FBN2: variants seen among roughly 807,000 people sequenced by gnomAD.
The protein encoded by FBN2 is fibrillin 2, also known as fibrillin-2.
Under a neutral mutation model 355.6 loss-of-function variants are expected in FBN2, and 105 were observed. The ratio of observed to expected loss-of-function variants is 0.30; its 90% CI spans 0.25 to 0.35. The LOEUF (loss-of-function observed/expected upper bound fraction) is 0.35, where lower values mean the gene tolerates loss of function less well. FBN2 is among the 10% of genes least tolerant of loss of function. FBN2 has a pLI of 1.00. For synonymous variants in FBN2, 1,350 were observed against 1,301.2 expected (o/e 1.04, Z -0.81); for missense variants, 3,280 against 3,758.7 (o/e 0.87, Z 3.33).
chr5:128,403,531 A>G (rs1752852563), intron 8 of FBN2, among the ~76,000 whole-genome samples: 1 of 152,190 alleles, frequency 6.6e-6, no homozygotes, highest in East Asian at 1.9e-4. Context: ...CCAACGCGTT[A>G]TTTATTGCTG....
intron 53 of FBN2, among the ~76,000 whole-genome samples, chr5:128,287,775 A>T (rs950726870): frequency 2.0e-5 from 3 of 152,160 alleles, no homozygotes; most frequent in African/African-American, 7.2e-5. Context: ...CTAACTCTCC[A>T]GAAGAAACTT....
At chr5:128,343,491 G>A (rs1428011060) in intron 25 of FBN2, among the ~76,000 whole-genome samples, 1 of 152,196 alleles carries the variant, frequency 6.6e-6, no homozygotes, top group Non-Finnish European at 1.5e-5. Flanking sequence ...AGAAGGAGCA[G>A]GCAGGAGGGA....
At chr5:128,452,015 G>A (rs968447324) in intron 6 of FBN2, among the ~76,000 whole-genome samples, 12 of 152,006 alleles carry the variant, frequency 7.9e-5, no homozygotes, top group African/African-American at 2.9e-4. Context: ...CAGTTATGTA[G>A]AATTAATTTC....
Position 128,311,167 on chromosome 5 carries a change from GA to G in FBN2, c.5074+132del, listed in dbSNP as rs3215046. Reference sequence around the variant, plus strand: ...TCATACAACTTAGCTACATTGATATGAAAAAAAAAAAAGCTATGAACCAATC... The same window carrying G: ...TCATACAACTTAGCTACATTGATATGAAAAAAAAAAAGCTATGAACCAATC... On this transcript the variant is annotated intron_variant, in intron 39 of 64. Transcript: ENST00000262464. The G allele has an allele frequency of 0.28, 180,916 of 657,120 alleles. 6,923 individuals carry two copies. The highest frequency in any genetic ancestry group is 0.33 in the South Asian group (15,006 of 46,008). 40.7% of individuals were successfully genotyped at this position (657,120 alleles called of 1,614,324 possible).
chr5:128,354,741 T>C (rs1178373618), intron 20 of FBN2, among the ~76,000 whole-genome samples: 2 of 152,208 alleles, frequency 1.3e-5, no homozygotes, highest in African/African-American at 4.8e-5. Flanking sequence ...GGGTGGCAGC[T>C]AGAAGAATGA....
At chr5:128,398,920 AC>A (rs1752721217) in intron 8 of FBN2, among the ~76,000 whole-genome samples, 1 of 152,076 alleles carries the variant, frequency 6.6e-6, no homozygotes, top group Admixed American at 6.6e-5. Flanking sequence ...CGTGCCTTTC[AC>A]CTTGCACCAT....
At chr5:128,510,438 A>G (rs1462710275) in intron 5 of FBN2, among the ~76,000 whole-genome samples, 4 of 152,154 alleles carry the variant, frequency 2.6e-5, no homozygotes, top group Non-Finnish European at 5.9e-5. Context: ...AAAGGTTCAC[A>G]CTGTTGTTTC....
At chr5:128,456,466 G>A (rs1754397891) in intron 6 of FBN2, among the ~76,000 whole-genome samples, 1 of 152,078 alleles carries the variant, frequency 6.6e-6, no homozygotes, top group Non-Finnish European at 1.5e-5. Flanking sequence ...AACGGATCCT[G>A]CTCCCAGTGC....
intron 61 of FBN2, among the ~76,000 whole-genome samples, chr5:128,273,151 T>C (rs1296604537): frequency 6.6e-6 from 1 of 152,234 alleles, no homozygotes; most frequent in Non-Finnish European, 1.5e-5. Flanking sequence ...TATAGTCTCA[T>C]AATCTCTGGC....
intron 6 of FBN2, among the ~76,000 whole-genome samples, chr5:128,452,380 A>T (rs1227442079): frequency 2.0e-5 from 3 of 152,242 alleles, no homozygotes; most frequent in Non-Finnish European, 4.4e-5. Context: ...TTATGCAATA[A>T]CGTCAGTCCA....
At chr5:128,511,742 T>G (rs1163251867) in intron 5 of FBN2, among the ~76,000 whole-genome samples, 2 of 152,056 alleles carry the variant, frequency 1.3e-5, no homozygotes, top group Non-Finnish European at 2.9e-5. Flanking sequence ...AAGATGGGGG[T>G]AGGAAGGTAG....
In FBN2 at chr5:128,351,014, G is replaced by T; in HGVS notation, c.2675-9C>A. On this transcript the variant is annotated splice_polypyrimidine_tract_variant and intron_variant, in intron 20 of 64. Transcript: ENST00000262464. ...GGTCCCCTTCAGGCTGTCTGAAAAGGAACAGGAAAGGTTGGGGAGCTCTTA... is the reference window on the plus strand; with the variant it reads ...GGTCCCCTTCAGGCTGTCTGAAAAGTAACAGGAAAGGTTGGGGAGCTCTTA... The T allele has an allele frequency of 6.2e-7, 1 of 1,614,148 alleles. No homozygotes were observed. The highest frequency in any genetic ancestry group is 2.2e-5 in the East Asian group (1 of 44,870).
chr5:128,344,244 T>A, intron 25 of FBN2, 141 bp downstream of exon 25: 1 of 889,284 alleles, frequency 1.1e-6, no homozygotes, highest in Non-Finnish European at 1.7e-6. Flanking sequence ...AAGTGAGACC[T>A]TTTCTCTAAA....
chr5:128,284,883 C>T (rs765847172), intron 55 of FBN2, among the ~76,000 whole-genome samples: 26 of 152,164 alleles, frequency 1.7e-4, no homozygotes, highest in Non-Finnish European at 3.2e-4. Flanking sequence ...TCTACAAAAA[C>T]ACTCCATACT....
At chr5:128,344,167 C>G (rs973608474) in intron 25 of FBN2, among the ~76,000 whole-genome samples, 2 of 152,194 alleles carry the variant, frequency 1.3e-5, no homozygotes, top group African/African-American at 4.8e-5. Context: ...GGAGGGACTA[C>G]TTGAGAACAG....
At chr5:128,366,893 A>G (rs1190453599) in intron 16 of FBN2, among the ~76,000 whole-genome samples, 1 of 152,150 alleles carries the variant, frequency 6.6e-6, no homozygotes, top group Non-Finnish European at 1.5e-5. Flanking sequence ...TTTACAACTG[A>G]GGAAAAGGGG....
intron 41 of FBN2, among the ~76,000 whole-genome samples, chr5:128,308,181 G>C (rs1749935303): frequency 6.6e-6 from 1 of 152,094 alleles, no homozygotes; most frequent in Admixed American, 6.5e-5. Context: ...TATCTTAAGA[G>C]TTTTGATTTA....
chr5:128,444,232 C>A (rs1754005866), intron 7 of FBN2, among the ~76,000 whole-genome samples: 1 of 151,506 alleles, frequency 6.6e-6, no homozygotes, highest in East Asian at 1.9e-4. Flanking sequence ...GCCACCGCGC[C>A]CGGCTAATTT....
At chr5:128,494,699 A>T (rs114529579) in intron 5 of FBN2, among the ~76,000 whole-genome samples, 79 of 152,310 alleles carry the variant, frequency 5.2e-4, no homozygotes, top group African/African-American at 1.8e-3. Flanking sequence ...CATGTTCAAG[A>T]CTGTGCCTCT....
Sources: gnomAD v4.1 joint callset for allele counts (sites outside exome capture counted in the v4.1 genomes callset) on GRCh38, gnomAD v4.1.1 for gene constraint, MANE v1.5 for transcripts, NCBI Gene and HGNC (gene_info 2026-07-23, HGNC 2026-07-21) for gene names.